Variants in CDIN1 observed in about 807,000 individuals in gnomAD.
CDIN1 encodes CDAN1-interacting nuclease 1.
A neutral mutation model predicts 45.3 loss-of-function variants in CDIN1; 33 were observed. The ratio of observed to expected loss-of-function variants is 0.73; its 90% CI spans 0.55 to 0.97. The LOEUF (loss-of-function observed/expected upper bound fraction) is 0.97. CDIN1 is among the 50% of genes least tolerant of loss of function. The pLI, the probability that CDIN1 is intolerant of heterozygous loss-of-function variation, is 0.00. For missense variants in CDIN1, 303 were observed against 339.4 expected (o/e 0.89, Z 0.84); for synonymous variants, 118 against 124.4 (o/e 0.95, Z 0.34).
intron 1 of CDIN1, among the ~76,000 whole-genome samples, chr15:36,601,927 T>C (rs898216842): frequency 6.6e-6 from 1 of 152,226 alleles, no homozygotes; most frequent in African/African-American, 2.4e-5. Flanking sequence ...ACTTGCACCA[T>C]ACACCAAAAC....
chr15:36,656,160 G>T (rs963858134), intron 4 of CDIN1, among the ~76,000 whole-genome samples: 1 of 152,084 alleles, frequency 6.6e-6, no homozygotes, highest in African/African-American at 2.4e-5. Flanking sequence ...AACAACCAAG[G>T]TGCCATTTTT....
chr15:36,717,215 T>C (rs2043245681), intron 10 of CDIN1, among the ~76,000 whole-genome samples: 1 of 152,160 alleles, frequency 6.6e-6, no homozygotes, highest in African/African-American at 2.4e-5. Flanking sequence ...ATTTAAAGAG[T>C]ACAATTTAAT....
At chr15:36,785,115 T>C (rs1050760805) in intron 10 of CDIN1, among the ~76,000 whole-genome samples, 3 of 152,204 alleles carry the variant, frequency 2.0e-5, no homozygotes, top group African/African-American at 7.2e-5. Context: ...TTCTTACTTT[T>C]GCACATTTCT....
At chr15:36,626,009 T>A (rs1026078032) in intron 1 of CDIN1, among the ~76,000 whole-genome samples, 2 of 152,040 alleles carry the variant, frequency 1.3e-5, no homozygotes, top group African/African-American at 4.8e-5. Flanking sequence ...AAAAATAGTT[T>A]ATATGTTCTT....
At chr15:36,766,082 T>A (rs1050898117) in intron 10 of CDIN1, among the ~76,000 whole-genome samples, 2 of 152,188 alleles carry the variant, frequency 1.3e-5, no homozygotes, top group Non-Finnish European at 2.9e-5. Context: ...TTCCTCCCGG[T>A]CCCTGGCAAC....
chr15:36,707,790 T>C (rs1236406556), intron 8 of CDIN1: 1 of 152,202 alleles, frequency 6.6e-6, no homozygotes, highest in East Asian at 1.9e-4. Context: ...AATATTCTCA[T>C]TGTGGTCAGA....
chr15:36,805,600 A>AT (rs1404570166), intron 10 of CDIN1, among the ~76,000 whole-genome samples: 1 of 152,174 alleles, frequency 6.6e-6, no homozygotes, highest in African/African-American at 2.4e-5. Flanking sequence ...CTCTTCTACC[A>AT]TTTTTGATTG....
intron 10 of CDIN1, among the ~76,000 whole-genome samples, chr15:36,786,282 G>A (rs898760051): frequency 6.6e-6 from 1 of 152,178 alleles, no homozygotes; most frequent in Non-Finnish European, 1.5e-5. Context: ...TGTTGACACA[G>A]TGAATGGTAC....
chr15:36,619,103 C>G, intron 1 of CDIN1: 3 of 1,065,708 alleles, frequency 2.8e-6, no homozygotes, highest in Non-Finnish European at 4.2e-6. Flanking sequence ...AAGCCAGAAG[C>G]AAGGGCTAGT....
intron 5 of CDIN1, among the ~76,000 whole-genome samples, chr15:36,664,892 C>G (rs1313710756): frequency 6.6e-6 from 1 of 152,192 alleles, no homozygotes; most frequent in Non-Finnish European, 1.5e-5. Context: ...TTATGCATTG[C>G]ATGAGGGTGC....
chr15:36,686,307 A>G (rs1253931375), intron 5 of CDIN1, among the ~76,000 whole-genome samples: 2 of 150,044 alleles, frequency 1.3e-5, no homozygotes, highest in African/African-American at 4.9e-5. Flanking sequence ...AACTATCGCA[A>G]GAACAAAAAA....
At chr15:36,759,678 A>G (rs1163183987) in intron 10 of CDIN1, among the ~76,000 whole-genome samples, 2 of 152,150 alleles carry the variant, frequency 1.3e-5, no homozygotes, top group Non-Finnish European at 2.9e-5. Context: ...AGGCTGGGTA[A>G]TTTATAAAGA....
chr15:36,586,823 G>T (rs2037324774), intron 1 of CDIN1, among the ~76,000 whole-genome samples: 1 of 152,208 alleles, frequency 6.6e-6, no homozygotes, highest in Admixed American at 6.5e-5. Flanking sequence ...ATTTTGGATA[G>T]CTTGTAGTCT....
chr15:36,598,074 T>G (rs1203040718), intron 1 of CDIN1, among the ~76,000 whole-genome samples: 1 of 152,192 alleles, frequency 6.6e-6, no homozygotes, highest in Non-Finnish European at 1.5e-5. Context: ...CACTGCAGCC[T>G]CGACCTCCTG....
At chr15:36,719,638 T>A (rs1280395172) in intron 10 of CDIN1, among the ~76,000 whole-genome samples, 1 of 152,148 alleles carries the variant, frequency 6.6e-6, no homozygotes, top group Non-Finnish European at 1.5e-5. Context: ...GGCCTCTTAG[T>A]ATGGGTTGGG....
intron 1 of CDIN1, chr15:36,627,114 G>T: frequency 5.5e-6 from 1 of 183,216 alleles, no homozygotes. Flanking sequence ...TAGTACACGA[G>T]CAGGCACTTG....
At chr15:36,687,219 T>G (rs1385445431) in intron 5 of CDIN1, among the ~76,000 whole-genome samples, 1 of 152,120 alleles carries the variant, frequency 6.6e-6, no homozygotes, top group Non-Finnish European at 1.5e-5. Context: ...ATGTATCAGT[T>G]GTAATGAATG....
chr15:36,722,784 C>T (rs559934772), intron 10 of CDIN1, among the ~76,000 whole-genome samples: 91 of 152,210 alleles, frequency 6.0e-4, no homozygotes, highest in Admixed American at 3.2e-3. Flanking sequence ...GAATGCAATT[C>T]GCATGTCTCG....
intron 3 of CDIN1, among the ~76,000 whole-genome samples, chr15:36,646,775 C>T (rs1011734757): frequency 6.6e-6 from 1 of 152,106 alleles, no homozygotes; most frequent in African/African-American, 2.4e-5. Context: ...GAAAATAGAG[C>T]ATTTTAAAGG....
Sources: allele counts gnomAD v4.1 joint callset (sites outside exome capture counted in the v4.1 genomes callset), GRCh38; gene constraint gnomAD v4.1.1; transcripts MANE v1.5; gene names NCBI Gene and HGNC (gene_info 2026-07-23, HGNC 2026-07-21).